Variants in SLC44A1 observed in about 807,000 individuals in gnomAD.
The protein encoded by SLC44A1 is choline transporter-like protein 1.
In SLC44A1, 26 loss-of-function variants were observed where a neutral mutation model predicts 79.3. The observed-to-expected ratio is 0.33, with a 90% CI of 0.24 to 0.46. The LOEUF (loss-of-function observed/expected upper bound fraction) is 0.46. Among genes scored for constraint, SLC44A1 ranks in the 20% least tolerant of loss-of-function variants. SLC44A1 has a pLI of 1.00. For synonymous variants in SLC44A1, 263 were observed against 286.2 expected, an observed-to-expected ratio of 0.92 and a Z score of 0.82; for missense variants, 688 against 798.1, an observed-to-expected ratio of 0.86 and a Z score of 1.66.
chr9:105,316,479 T>C (rs1432680279), intron 3 of SLC44A1, among the ~76,000 whole-genome samples: 1 of 152,176 alleles, frequency 6.6e-6, no homozygotes, highest in Non-Finnish European at 1.5e-5. Context: ...GACATGAAAA[T>C]GTCAACAGTG....
chr9:105,381,629 A>C (rs1323506458), intron 13 of SLC44A1, among the ~76,000 whole-genome samples: 3 of 151,708 alleles, frequency 2.0e-5, no homozygotes, highest in African/African-American at 7.3e-5. Context: ...GAGAAAGAAA[A>C]AAAATGGAAG....
intron 7 of SLC44A1, 93 bp from the exon 8 acceptor site, chr9:105,361,098 T>C (rs1827764400): frequency 3.3e-6 from 4 of 1,228,608 alleles, no homozygotes; most frequent in Non-Finnish European, 4.8e-6. Context: ...AGTCCCATGA[T>C]GATCTGTAGG....
chr9:105,280,098 A>G (rs1260847939), intron 1 of SLC44A1, among the ~76,000 whole-genome samples: 3 of 152,276 alleles, frequency 2.0e-5, no homozygotes, highest in Admixed American at 6.5e-5. Flanking sequence ...GAATATTGAG[A>G]TGTCACTGTT....
Position 105,395,463 on chromosome 9 carries a change from C to G in SLC44A1, c.*6407C>G. ...CGAACTCCTGACCTCAGGTGATCCACCCGCCTCAGCCTCCCAAAGTGCTGG... is the reference window on the plus strand; with the variant it reads ...CGAACTCCTGACCTCAGGTGATCCAGCCGCCTCAGCCTCCCAAAGTGCTGG... On this transcript the variant is annotated 3_prime_UTR_variant, in exon 16 of 16. Coordinates refer to ENST00000374720, the MANE Select transcript of SLC44A1 (RefSeq NM_080546.5). The G allele has an allele frequency of 2.5e-6, 2 of 787,510 alleles. No homozygotes were observed. The highest frequency in any genetic ancestry group is 3.1e-6 in the Non-Finnish European group (2 of 649,158). The allele number at this position is 787,510 out of a possible 1,614,324, so 48.8% of individuals were successfully genotyped here. A position where few individuals can be genotyped will look rare whatever the true frequency, so the allele number is the denominator to read the frequency against.
intron 1 of SLC44A1, among the ~76,000 whole-genome samples, chr9:105,253,770 G>C (rs992270697): frequency 6.6e-6 from 1 of 152,112 alleles, no homozygotes; most frequent in Non-Finnish European, 1.5e-5. Flanking sequence ...TGTTGCCCAG[G>C]CTGGAGTGCA....
intron 15 of SLC44A1, among the ~76,000 whole-genome samples, chr9:105,435,096 G>C (rs1182584534): frequency 6.6e-6 from 1 of 151,430 alleles, no homozygotes; most frequent in African/African-American, 2.4e-5. Context: ...GCAATGAGCT[G>C]TTATCATGCA....
chr9:105,323,343 G>A (rs1414573236), intron 3 of SLC44A1, among the ~76,000 whole-genome samples: 1 of 152,080 alleles, frequency 6.6e-6, no homozygotes, highest in Admixed American at 6.5e-5. Flanking sequence ...TTCTATGATA[G>A]GTAAGATTTT....
chr9:105,386,019 G>C (rs1477075652), intron 15 of SLC44A1: 2 of 984,994 alleles, frequency 2.0e-6, no homozygotes, highest in Non-Finnish European at 2.4e-6. Flanking sequence ...TACTTTCTTT[G>C]TTTCTTAAGC....
chr9:105,397,352 T>C, downstream of SLC44A1: 5 of 982,048 alleles, frequency 5.1e-6, no homozygotes, highest in Non-Finnish European at 6.0e-6. Flanking sequence ...AAGAATGTTA[T>C]TGTCTACTGT....
At chr9:105,336,132 G>A (rs898053419) in intron 4 of SLC44A1, among the ~76,000 whole-genome samples, 3 of 144,004 alleles carry the variant, frequency 2.1e-5, no homozygotes, top group East Asian at 3.9e-4. Context: ...GTGTGTGTGT[G>A]CATGTGTGTG....
intron 15 of SLC44A1, among the ~76,000 whole-genome samples, chr9:105,415,604 CAATT>C (rs1829158049): frequency 6.6e-6 from 1 of 152,108 alleles, no homozygotes; most frequent in Non-Finnish European, 1.5e-5. Flanking sequence ...TTGAGAGTGA[CAATT>C]AACAACCCCT....
chr9:105,437,070 T>C (rs193231012), intron 15 of SLC44A1, among the ~76,000 whole-genome samples: 22 of 152,306 alleles, frequency 1.4e-4, no homozygotes, highest in Non-Finnish European at 2.6e-4. Context: ...TGTTTGATAA[T>C]CAAACTGAGC....
intron 15 of SLC44A1, among the ~76,000 whole-genome samples, chr9:105,431,319 T>C (rs1829390874): frequency 6.6e-6 from 1 of 152,248 alleles, no homozygotes; most frequent in Non-Finnish European, 1.5e-5. Flanking sequence ...AGTTGTCCCA[T>C]TTGGACAACA....
chr9:105,351,674 G>GAAAGAAAGAAAGA (rs1359633907), intron 5 of SLC44A1, among the ~76,000 whole-genome samples: 2 of 148,550 alleles, frequency 1.3e-5, no homozygotes, highest in East Asian at 3.9e-4. Context: ...AAGAAAGAAA[G>GAAAGAAAGAAAGA]AACCAAGAAA....
intron 3 of SLC44A1, 50 bp from the exon 4 acceptor site, chr9:105,335,513 C>T (rs1826885742): frequency 1.3e-6 from 2 of 1,490,964 alleles, no homozygotes. Context: ...TGCAGGGACC[C>T]ACAATGTGTT....
intron 15 of SLC44A1, among the ~76,000 whole-genome samples, chr9:105,402,708 T>C (rs552740086): frequency 6.6e-6 from 1 of 152,300 alleles, no homozygotes; most frequent in East Asian, 1.9e-4. Flanking sequence ...ACTCCAACTC[T>C]ACTCTTCTAC....
At chr9:105,368,243 C>T (rs556526467) in intron 12 of SLC44A1, among the ~76,000 whole-genome samples, 12 of 150,840 alleles carry the variant, frequency 8.0e-5, no homozygotes, top group South Asian at 4.2e-4. Context: ...ATCAGCATTT[C>T]GTAGGCACGA....
intron 1 of SLC44A1, among the ~76,000 whole-genome samples, chr9:105,254,090 A>G (rs942672079): frequency 5.3e-5 from 8 of 152,206 alleles, no homozygotes; most frequent in African/African-American, 1.9e-4. Flanking sequence ...CCAAATAGCT[A>G]AAACATTAAG....
At chr9:105,366,611 A>G (rs1056145443) in intron 12 of SLC44A1, among the ~76,000 whole-genome samples, 182 bp downstream of exon 12, 1 of 152,138 alleles carries the variant, frequency 6.6e-6, no homozygotes, top group Non-Finnish European at 1.5e-5. Flanking sequence ...TATGCTTACC[A>G]AGGCTCATTA....
Sources: gnomAD v4.1 joint callset for allele counts (sites outside exome capture counted in the v4.1 genomes callset) on GRCh38, gnomAD v4.1.1 for gene constraint, MANE v1.5 for transcripts, NCBI Gene and HGNC (gene_info 2026-07-23, HGNC 2026-07-21) for gene names.